The following NBAS variants were observed in gnomAD, a reference collection of about 807,000 sequenced individuals.
NBAS encodes the protein NBAS subunit of NRZ tethering complex.
NBAS carries 219 observed loss-of-function variants against 302.5 expected under a neutral mutation model. The observed-to-expected ratio is 0.72, with a 90% confidence interval of 0.65 to 0.81. NBAS has a LOEUF of 0.81. NBAS is among the 30% of genes least tolerant of loss of function. The pLI is 0.00. For synonymous variants in NBAS, 1,118 were observed against 1,021.6 expected (o/e 1.09, Z -1.80); for missense variants, 2,932 against 2,841.6 (o/e 1.03, Z -0.72).
At chr2:15,354,523 C>T (rs942785979) in intron 33 of NBAS, among the ~76,000 whole-genome samples, 24 of 152,300 alleles carry the variant, frequency 1.6e-4, no homozygotes, top group African/African-American at 4.6e-4. Flanking sequence ...TAGATCAGTA[C>T]ATTTTCACAG....
At chr2:14,855,182 C>T in the NBAS span, among the ~76,000 whole-genome samples, 1 of 152,020 alleles carries the variant, frequency 6.6e-6, no homozygotes, top group Non-Finnish European at 1.5e-5. Context: ...AGAAAGGAAC[C>T]CACTGCCTTG....
chr2:14,784,107 C>T, the NBAS span, among the ~76,000 whole-genome samples: 2 of 152,124 alleles, frequency 1.3e-5, no homozygotes, highest in Non-Finnish European at 2.9e-5. Flanking sequence ...TTTTTGGCTG[C>T]ATAAATGTCT....
chr2:14,888,589 AT>A, the NBAS span, among the ~76,000 whole-genome samples: 671 of 152,108 alleles, frequency 4.4e-3, 7 homozygotes, highest in African/African-American at 0.015. Flanking sequence ...GTATTATACT[AT>A]TTTTTTAATA....
chr2:15,533,866 AAC>A (rs147232819), intron 9 of NBAS, among the ~76,000 whole-genome samples: 3,084 of 152,294 alleles, frequency 0.02, 71 homozygotes, highest in East Asian at 0.057. Flanking sequence ...CTTGTCAATA[AAC>A]ACAGAGTAAA....
the NBAS span, among the ~76,000 whole-genome samples, chr2:15,019,387 G>T: frequency 6.6e-6 from 1 of 152,134 alleles, no homozygotes; most frequent in African/African-American, 2.4e-5. Context: ...TCTGATTCTT[G>T]TTAAAAAGTC....
the NBAS span, among the ~76,000 whole-genome samples, chr2:14,861,877 T>G: frequency 6.6e-6 from 1 of 152,204 alleles, no homozygotes; most frequent in African/African-American, 2.4e-5. Context: ...TTCCTACATT[T>G]ATTGCTCTTT....
In NBAS at chr2:15,561,316, A is replaced by T. The variant is rs1263693944; in HGVS notation, c.-12T>A. ...TCGGGGGCCGCCATGTTCGCCGAGG[A>T]CTCAGGCAGCGGAGGAGTGTCTCTA... On this transcript the variant is annotated 5_prime_UTR_variant, in exon 1 of 52. Coordinates refer to ENST00000281513, the MANE Select transcript of NBAS (RefSeq NM_015909.4). The T allele has an allele frequency of 2.5e-6, 4 of 1,609,648 alleles. No homozygotes were observed. Among genetic ancestry groups the T allele is most frequent in the South Asian group, 2.2e-5 (2 of 91,002 alleles).
rs1399406891 is a variant in NBAS, at chr2:15,303,855, G to A, written c.4797+4361C>T. Among the ~76,000 whole-genome samples the A allele has an allele frequency of 2.0e-5, 3 of 152,230 alleles. No homozygotes were observed. The East Asian group carries it at 5.8e-4, about 29-fold the overall frequency. ...CAGCTTTTCAGCTTTCTTAAAAGCT[G>A]TAACTTGTTGTCTGTCCAACATCCA... On this transcript the variant is annotated intron_variant, in intron 40 of 51. Coordinates refer to ENST00000281513, the MANE Select transcript of NBAS (RefSeq NM_015909.4).
chr2:15,269,231 G>A (rs532792771), intron 44 of NBAS, among the ~76,000 whole-genome samples: 1 of 152,306 alleles, frequency 6.6e-6, no homozygotes, highest in South Asian at 2.1e-4. Context: ...GCAGGGATAT[G>A]TGAAACATAT....
intron 35 of NBAS, among the ~76,000 whole-genome samples, chr2:15,343,650 T>C (rs934050978): frequency 6.6e-6 from 1 of 152,076 alleles, no homozygotes; most frequent in Non-Finnish European, 1.5e-5. Context: ...TTCACCTTTT[T>C]ACAGATGGAT....
intron 6 of NBAS, among the ~76,000 whole-genome samples, chr2:15,549,078 G>A (rs1207597455): frequency 6.6e-6 from 1 of 152,126 alleles, no homozygotes. Context: ...CATCTCCTAA[G>A]TATTCATGAT....
the NBAS span, among the ~76,000 whole-genome samples, chr2:15,127,109 C>A: frequency 6.6e-6 from 1 of 152,148 alleles, no homozygotes; most frequent in South Asian, 2.1e-4. Flanking sequence ...CTCAGAGGAT[C>A]CTGCACTTGG....
At chr2:15,371,356 G>A (rs1674477350) in intron 31 of NBAS, among the ~76,000 whole-genome samples, 4 of 152,152 alleles carry the variant, frequency 2.6e-5, no homozygotes, top group Admixed American at 2.6e-4. Context: ...CTAATACAAT[G>A]CCCAAAGGGC....
chr2:15,544,708 T>C (rs1259320940), intron 6 of NBAS, among the ~76,000 whole-genome samples: 1 of 152,170 alleles, frequency 6.6e-6, no homozygotes, highest in Non-Finnish European at 1.5e-5. Flanking sequence ...AACAAAACAA[T>C]GACATCTTTA....
chr2:14,901,618 A>C, the NBAS span, among the ~76,000 whole-genome samples: 1 of 152,248 alleles, frequency 6.6e-6, no homozygotes, highest in Non-Finnish European at 1.5e-5. Context: ...CATCCTTTGC[A>C]AGAAAAATGA....
intron 44 of NBAS, among the ~76,000 whole-genome samples, chr2:15,248,140 T>C (rs1668190054): frequency 2.0e-5 from 3 of 152,122 alleles, no homozygotes; most frequent in Admixed American, 2.0e-4. Context: ...GAACTCAGGA[T>C]TAAGAAACTC....
chr2:15,424,531 T>G (rs1677372463), intron 22 of NBAS, 63 bp from the exon 23 acceptor site: 2 of 1,577,730 alleles, frequency 1.3e-6, no homozygotes, highest in Non-Finnish European at 1.7e-6. Context: ...TATAATTTTG[T>G]GAGAGAAAGA....
chr2:15,063,531 C>A, the NBAS span, among the ~76,000 whole-genome samples: 1 of 152,094 alleles, frequency 6.6e-6, no homozygotes, highest in African/African-American at 2.4e-5. Context: ...CAAATTGTTT[C>A]CCCTTTCCCA....
chr2:15,243,617 T>C (rs1039992765), intron 44 of NBAS, among the ~76,000 whole-genome samples: 1 of 151,632 alleles, frequency 6.6e-6, no homozygotes, highest in African/African-American at 2.4e-5. Flanking sequence ...TAATCTATGA[T>C]ATGCTATAAA....
Sources: gnomAD v4.1 joint callset for allele counts (sites outside exome capture counted in the v4.1 genomes callset) on GRCh38, gnomAD v4.1.1 for gene constraint, MANE v1.5 for transcripts, NCBI Gene and HGNC (gene_info 2026-07-23, HGNC 2026-07-21) for gene names.